The following ACAP2 variants were observed in gnomAD, a reference collection of about 807,000 sequenced individuals.
ACAP2 encodes arf-GAP with coiled-coil, ANK repeat and PH domain-containing protein 2.
A neutral mutation model predicts 115.8 loss-of-function variants in ACAP2; 39 were observed. The ratio of observed to expected loss-of-function variants is 0.34; its 90% confidence interval spans 0.26 to 0.44. ACAP2 has a LOEUF of 0.44. Among genes scored for constraint, ACAP2 ranks in the 20% least tolerant of loss-of-function variants. ACAP2 has a pLI of 1.00. For synonymous variants in ACAP2, 289 were observed against 315.8 expected (o/e 0.92, Z 0.90); for missense variants, 662 against 927.6 (o/e 0.71, Z 3.72).
chr3:195,304,780 G>A (rs1167470570), intron 13 of ACAP2, among the ~76,000 whole-genome samples: 1 of 152,190 alleles, frequency 6.6e-6, no homozygotes, highest in Non-Finnish European at 1.5e-5. Flanking sequence ...CCTGACGATG[G>A]TTGTTCCTCA....
At chr3:195,351,477 TG>T (rs1731594680) in intron 4 of ACAP2, among the ~76,000 whole-genome samples, 1 of 128,650 alleles carries the variant, frequency 7.8e-6, no homozygotes. Context: ...TGTGTGTGTG[TG>T]TGTGTGTGAC....
intron 9 of ACAP2, chr3:195,326,370 G>A (rs1577304391): frequency 6.6e-6 from 1 of 152,212 alleles, no homozygotes; most frequent in Non-Finnish European, 1.5e-5. Context: ...TATTTTCAAA[G>A]TAAGTTTAGC....
Position 195,351,131 on chromosome 3 carries a change from G to GA in ACAP2, c.286-5815_286-5814insT, listed in dbSNP as rs200798131. 1.4e-4 allele frequency among the ~76,000 whole-genome samples: 11 copies of GA among 77,966 alleles called. 1 individual carries two copies. The highest frequency in any genetic ancestry group is 7.2e-3 in the East Asian group (2 of 276). The allele number at this position is 77,966 out of a possible 152,430, so 51.1% of individuals were successfully genotyped here. A position where few individuals can be genotyped will look rare whatever the true frequency, so the allele number is the denominator to read the frequency against. On this transcript the variant is annotated intron_variant, in intron 4 of 22. Transcript: ENST00000326793. The stretch of plus-strand genomic sequence containing the variant: ...GAAGATAAATCCTTTTTTTTTTTTG[G>GA]GCGGGGGACAGGGTCTTGCTCTGTC...
chr3:195,337,497 G>T (rs967592441), intron 6 of ACAP2, among the ~76,000 whole-genome samples: 2 of 139,238 alleles, frequency 1.4e-5, no homozygotes, highest in Non-Finnish European at 3.0e-5. Flanking sequence ...TGCGCAGGCT[G>T]CAGTGCAATG....
chr3:195,392,237 T>C (rs548158555), intron 1 of ACAP2, 90 bp from the exon 2 acceptor site: 7 of 1,037,354 alleles, frequency 6.7e-6, no homozygotes, highest in Non-Finnish European at 1.0e-5. Context: ...AAGATAGATA[T>C]GAATGCTTAA....
At chr3:195,330,148 G>A (rs1577311014) in intron 8 of ACAP2, among the ~76,000 whole-genome samples, 2 of 152,150 alleles carry the variant, frequency 1.3e-5, no homozygotes, top group South Asian at 2.1e-4. Context: ...CCACTTAGAC[G>A]TCTTATCCTC....
intron 1 of ACAP2, among the ~76,000 whole-genome samples, chr3:195,422,519 T>C (rs1023721676): frequency 6.6e-6 from 1 of 152,168 alleles, no homozygotes; most frequent in Non-Finnish European, 1.5e-5. Flanking sequence ...TCTTGCTCTG[T>C]TGCCCAGGCT....
Position 195,275,768 on chromosome 3 carries a change from A to G in ACAP2, c.*3560T>C, listed in dbSNP as rs574176924. On this transcript the variant is annotated 3_prime_UTR_variant, in exon 23 of 23. Coordinates refer to ENST00000326793, the MANE Select transcript of ACAP2 (RefSeq NM_012287.6). ...AGATTAAGATCTCAGAAATCCTACC[A>G]TGAGAATCCAGTGAGATAAAGCAAT... The G allele has an allele frequency of 1.3e-5, 2 of 152,348 alleles. No individual in the cohort carries two copies. The highest frequency in any genetic ancestry group is 4.8e-5 in the African/African-American group (2 of 41,578). 9.4% of individuals were successfully genotyped at this position (152,348 alleles called of 1,614,324 possible).
chr3:195,336,587 T>C (rs763116998), intron 7 of ACAP2: 7 of 172,806 alleles, frequency 4.1e-5, no homozygotes, highest in Non-Finnish European at 7.3e-5. Flanking sequence ...TTCTGAAATA[T>C]TCTCACAGGT....
intron 1 of ACAP2, among the ~76,000 whole-genome samples, chr3:195,405,415 G>A (rs761088714): frequency 4.6e-5 from 7 of 152,158 alleles, no homozygotes; most frequent in South Asian, 2.1e-4. Context: ...GGTCTGGTAC[G>A]GTGGCTCACG....
At chr3:195,373,425 T>C (rs1733313246) in intron 4 of ACAP2, among the ~76,000 whole-genome samples, 1 of 152,174 alleles carries the variant, frequency 6.6e-6, no homozygotes, top group African/African-American at 2.4e-5. Context: ...AATATCACTG[T>C]CTTCCATTTC....
At chr3:195,427,927 G>A (rs1360998901) in intron 1 of ACAP2, among the ~76,000 whole-genome samples, 2 of 151,734 alleles carry the variant, frequency 1.3e-5, no homozygotes, top group Non-Finnish European at 2.9e-5. Context: ...AAAAACAGGT[G>A]CATTCAATTA....
intron 2 of ACAP2, among the ~76,000 whole-genome samples, chr3:195,382,989 C>T (rs1734050721): frequency 6.6e-6 from 1 of 151,774 alleles, no homozygotes; most frequent in South Asian, 2.1e-4. Flanking sequence ...TTTGATTTAT[C>T]AATGTGCATC....
At chr3:195,424,526 T>C (rs1366840657) in intron 1 of ACAP2, among the ~76,000 whole-genome samples, 2 of 150,884 alleles carry the variant, frequency 1.3e-5, no homozygotes, top group African/African-American at 2.4e-5. Flanking sequence ...CTTGAACTCC[T>C]GACCTCAGAC....
chr3:195,337,737 G>C (rs918731926), intron 6 of ACAP2, among the ~76,000 whole-genome samples: 6 of 152,190 alleles, frequency 3.9e-5, no homozygotes, highest in African/African-American at 1.4e-4. Flanking sequence ...GTGAGCCACT[G>C]CGCCAGGCCC....
rs189574425 is a variant in ACAP2 at position 195,323,146 on chromosome 3, T to C, written c.745-2333A>G. The stretch of plus-strand genomic sequence containing the variant: ...CAAGGCTGGTCAAAGGGGAATCTAA[T>C]AGAAACTTTCCCTTTGAAACAGCAA... On this transcript the variant is annotated intron_variant, in intron 9 of 22. Coordinates refer to ENST00000326793, the MANE Select transcript of ACAP2 (RefSeq NM_012287.6). 2.6e-4 allele frequency among the ~76,000 whole-genome samples: 39 copies of C among 152,222 alleles called. 1 individual carries two copies. In the East Asian group the frequency reaches 7.3e-3, roughly 29 times the overall value.
At chr3:195,307,620 A>C (rs1179135050) in intron 11 of ACAP2, among the ~76,000 whole-genome samples, 1 of 152,016 alleles carries the variant, frequency 6.6e-6, no homozygotes, top group Non-Finnish European at 1.5e-5. Context: ...CTTTTCTTCC[A>C]TTTTCTTTTA....
Position 195,402,294 on chromosome 3 carries a change from G to A in ACAP2, c.54-10147C>T, listed in dbSNP as rs113394398. Among the ~76,000 whole-genome samples, 34 of 152,146 alleles carry A rather than the reference G, an allele frequency of 2.2e-4. 1 individual carries two copies. Among genetic ancestry groups the A allele is most frequent in the African/African-American group, 8.0e-4 (33 of 41,490 alleles). ...GATCTCCCTGTATCTCAGTACACAC[G>A]TACTTATGTGTAACTTTCCAATTCC... On this transcript the variant is annotated intron_variant, in intron 1 of 22. Coordinates refer to ENST00000326793, the MANE Select transcript of ACAP2 (RefSeq NM_012287.6).
chr3:195,338,004 T>C (rs1730626735), intron 6 of ACAP2, among the ~76,000 whole-genome samples: 1 of 146,238 alleles, frequency 6.8e-6, no homozygotes, highest in Middle Eastern at 3.5e-3. Context: ...CTGGCTGTTC[T>C]GTGCACACGC....
Sources: allele counts gnomAD v4.1 joint callset (sites outside exome capture counted in the v4.1 genomes callset), GRCh38; gene constraint gnomAD v4.1.1; transcripts MANE v1.5; gene names NCBI Gene and HGNC (gene_info 2026-07-23, HGNC 2026-07-21).